ABCA5: variants seen among roughly 807,000 people sequenced by gnomAD.
The protein encoded by ABCA5 is ATP binding cassette subfamily A member 5.
A neutral mutation model predicts 206.0 loss-of-function variants in ABCA5; 163 were observed. The ratio of observed to expected loss-of-function variants is 0.79; its 90% CI spans 0.70 to 0.90. ABCA5 has a LOEUF of 0.90. Ranked by LOEUF, ABCA5 falls within the 40% of genes least tolerant of loss-of-function variation. The pLI is 0.00. For missense variants in ABCA5, 1,859 were observed against 1,912.9 expected, an observed-to-expected ratio of 0.97 and a Z score of 0.53; for synonymous variants, 609 against 613.8, an observed-to-expected ratio of 0.99 and a Z score of 0.11.
chr17:69,299,404 T>C (rs2075625832), intron 9 of ABCA5, among the ~76,000 whole-genome samples: 1 of 150,556 alleles, frequency 6.6e-6, no homozygotes, highest in South Asian at 2.1e-4. Flanking sequence ...ATTACAAAAA[T>C]ATGGAACCAA....
In ABCA5 at chr17:69,288,318, G is replaced by T. The variant is rs760501420; in HGVS notation, c.1903-567C>A. 1.1e-4 allele frequency among the ~76,000 whole-genome samples: 17 copies of T among 152,216 alleles called. 1 individual carries two copies. In the South Asian group the frequency reaches 2.1e-3, roughly 19 times the overall value. On this transcript the variant is annotated intron_variant, in intron 14 of 38. Coordinates refer to ENST00000392676, the MANE Select transcript of ABCA5 (RefSeq NM_172232.4). Reference sequence around the variant, plus strand: ...ATGCACCTGTCAGTTTTGATGCCCTGTGTAAAGTGGTACATCAGTTGTTTC... The same window carrying T: ...ATGCACCTGTCAGTTTTGATGCCCTTTGTAAAGTGGTACATCAGTTGTTTC...
intron 14 of ABCA5, 118 bp from the exon 15 acceptor site, chr17:69,287,869 T>C (rs1258399452): frequency 1.0e-6 from 1 of 956,424 alleles, no homozygotes; most frequent in Non-Finnish European, 1.4e-6. Context: ...CAGAAATATA[T>C]TAGATCAGAT....
chr17:69,271,507 TA>T (rs2075273814), intron 20 of ABCA5, among the ~76,000 whole-genome samples: 1 of 152,210 alleles, frequency 6.6e-6, no homozygotes, highest in African/African-American at 2.4e-5. Context: ...TTCTGGACCT[TA>T]AGTTCCCTCT....
At chr17:69,300,535 C>G (rs193071945) in intron 9 of ABCA5, among the ~76,000 whole-genome samples, 1 of 152,274 alleles carries the variant, frequency 6.6e-6, no homozygotes, top group Non-Finnish European at 1.5e-5. Context: ...TAGTAACTAA[C>G]AGCCATATAT....
At chr17:69,314,187 C>G (rs2075795026) in intron 2 of ABCA5, 127 bp downstream of exon 2, 2 of 440,164 alleles carry the variant, frequency 4.5e-6, no homozygotes, top group East Asian at 7.7e-5. Flanking sequence ...CAAGCTTTTA[C>G]TTTACAAGCA....
rs1441345464 is a variant in ABCA5 at position 69,264,915 on chromosome 17, AT to A, written c.3145-11del. 5 of 1,460,200 alleles carry A rather than the reference AT, an allele frequency of 3.4e-6. No individual in the cohort carries two copies. Among genetic ancestry groups the A allele is most frequent in the Non-Finnish European group, 4.5e-6 (5 of 1,101,134 alleles). The allele number at this position is 1,460,200 out of a possible 1,614,324, so 90.5% of individuals were successfully genotyped here. A position where few individuals can be genotyped will look rare whatever the true frequency, so the allele number is the denominator to read the frequency against. ...GAGTATAAGCTTTGATCTAAAAAAA[AT>A]GAAAAACAATTTATTATAATTTTAG... is the stretch of plus-strand genomic sequence containing the variant. On this transcript the variant is annotated splice_polypyrimidine_tract_variant and intron_variant, in intron 23 of 38. Transcript: ENST00000392676.
rs780489470 is a variant in ABCA5 at position 69,250,034 on chromosome 17, T to C, written c.4686-50A>G. ...AAAAAATTAAAAATTACTACTATTA[T>C]GTTCTAAAGCTAAAGTTCAACATGT... On this transcript the variant is annotated intron_variant, in intron 36 of 38. Transcript: ENST00000392676. The C allele has an allele frequency of 1.5e-5, 18 of 1,187,742 alleles. No homozygotes were observed. The Admixed American group carries it at 2.0e-4, about 13-fold the overall frequency. 73.6% of individuals were successfully genotyped at this position (1,187,742 alleles called of 1,614,324 possible).
intron 24 of ABCA5, among the ~76,000 whole-genome samples, chr17:69,263,330 C>T (rs999242899): frequency 1.2e-4 from 19 of 152,072 alleles, no homozygotes; most frequent in Non-Finnish European, 2.8e-4. Context: ...ATGGTATTTC[C>T]TATGTTTTCT....
At chr17:69,260,499 C>T (rs575652921) in intron 26 of ABCA5, 87 bp from the exon 27 acceptor site, 9 of 883,500 alleles carry the variant, frequency 1.0e-5, no homozygotes, top group East Asian at 2.7e-5. Context: ...GTTTAGCAAA[C>T]GTGTACTTTC....
intron 14 of ABCA5, among the ~76,000 whole-genome samples, chr17:69,288,958 C>T (rs1293502902): frequency 6.6e-6 from 1 of 151,942 alleles, no homozygotes; most frequent in Non-Finnish European, 1.5e-5. Flanking sequence ...TCCATGTAAC[C>T]AAAAACCTTT....
intron 6 of ABCA5, among the ~76,000 whole-genome samples, chr17:69,305,292 A>C (rs1486519262): frequency 6.6e-6 from 1 of 152,220 alleles, no homozygotes. Flanking sequence ...GAAATCAACA[A>C]GATCAGTAAT....
intron 1 of ABCA5, among the ~76,000 whole-genome samples, chr17:69,325,326 A>G (rs550441999): frequency 6.3e-4 from 95 of 151,686 alleles, no homozygotes; most frequent in Admixed American, 1.4e-3. Flanking sequence ...AAAAAATGCT[A>G]GTTGTCAATA....
At chr17:69,296,895 G>A (rs1005577945) in intron 10 of ABCA5, among the ~76,000 whole-genome samples, 1 of 152,214 alleles carries the variant, frequency 6.6e-6, no homozygotes, top group Admixed American at 6.5e-5. Context: ...AATCTGGGAG[G>A]TGGAGGTTAC....
chr17:69,291,951 A>G (rs971811228), intron 11 of ABCA5, among the ~76,000 whole-genome samples: 1 of 152,078 alleles, frequency 6.6e-6, no homozygotes, highest in Non-Finnish European at 1.5e-5. Context: ...CGTCTCTACA[A>G]AAAATATAAA....
intron 20 of ABCA5, among the ~76,000 whole-genome samples, chr17:69,272,937 G>A (rs778801416): frequency 3.7e-4 from 57 of 152,132 alleles, no homozygotes; most frequent in Non-Finnish European, 5.9e-4. Context: ...CTAGAATGTA[G>A]GTGAAGTGTT....
Position 69,308,261 on chromosome 17 carries a change from C to T in ABCA5, c.558+19G>A. ...TTAAAATGGCATAGTTTTTGTATTT[C>T]TTCCTTTATCATATTTACCTGTATA... On this transcript the variant is annotated intron_variant, in intron 5 of 38. Coordinates refer to ENST00000392676, the MANE Select transcript of ABCA5 (RefSeq NM_172232.4). 1 of 1,479,436 alleles carries T rather than the reference C, an allele frequency of 6.8e-7. No individual in the cohort carries two copies. The allele number at this position is 1,479,436 out of a possible 1,614,324, so 91.6% of individuals were successfully genotyped here.
intron 1 of ABCA5, among the ~76,000 whole-genome samples, chr17:69,318,030 G>A (rs1211663667): frequency 6.6e-6 from 1 of 152,070 alleles, no homozygotes; most frequent in African/African-American, 2.4e-5. Context: ...ATCTAGTGAG[G>A]CCACTGCTAT....
At chr17:69,289,382 T>C in intron 13 of ABCA5, 86 bp from the exon 14 acceptor site, 1 of 1,067,526 alleles carries the variant, frequency 9.4e-7, no homozygotes, top group Non-Finnish European at 1.2e-6. Context: ...TATTTTAAGT[T>C]TTAATGTGTT....
At chr17:69,287,544 T>C in intron 15 of ABCA5, 69 bp downstream of exon 15, 1 of 1,497,154 alleles carries the variant, frequency 6.7e-7, no homozygotes. Flanking sequence ...CCTCAGGAAT[T>C]AGCATCTCTA....
Sources: allele counts gnomAD v4.1 joint callset (sites outside exome capture counted in the v4.1 genomes callset), GRCh38; gene constraint gnomAD v4.1.1; transcripts MANE v1.5; gene names NCBI Gene and HGNC (gene_info 2026-07-23, HGNC 2026-07-21).